FAM184A: variants seen among roughly 807,000 people sequenced by gnomAD.
The protein encoded by FAM184A is protein FAM184A.
Under a neutral mutation model 143.8 loss-of-function variants are expected in FAM184A, and 99 were observed. The ratio of observed to expected loss-of-function variants is 0.69; its 90% CI spans 0.58 to 0.81. The LOEUF (loss-of-function observed/expected upper bound fraction) is 0.81. Among genes scored for constraint, FAM184A ranks in the 40% least tolerant of loss-of-function variants. FAM184A has a pLI of 0.00. For synonymous variants in FAM184A, 427 were observed against 446.4 expected (o/e 0.96, Z 0.55); for missense variants, 1,217 against 1,310.5 (o/e 0.93, Z 1.10).
intron 4 of FAM184A, among the ~76,000 whole-genome samples, chr6:119,019,769 A>AG (rs1316314192): frequency 6.6e-6 from 1 of 152,238 alleles, no homozygotes; most frequent in African/African-American, 2.4e-5. Flanking sequence ...TATATTATAT[A>AG]GATTGTTACC....
chr6:118,991,249 GC>G (rs1410241265), intron 9 of FAM184A, among the ~76,000 whole-genome samples: 1 of 150,922 alleles, frequency 6.6e-6, no homozygotes, highest in Non-Finnish European at 1.5e-5. Flanking sequence ...TGCAACCTCT[GC>G]CCCTTGGATT....
At chr6:119,021,582 AG>A (rs1193196943) in intron 3 of FAM184A, among the ~76,000 whole-genome samples, 1 of 152,194 alleles carries the variant, frequency 6.6e-6, no homozygotes, top group Non-Finnish European at 1.5e-5. Context: ...GGGAAGGCTA[AG>A]GCAAGAGGAT....
intron 4 of FAM184A, among the ~76,000 whole-genome samples, chr6:119,017,361 G>A (rs563496775): frequency 5.3e-5 from 8 of 152,222 alleles, no homozygotes; most frequent in East Asian, 3.9e-4. Flanking sequence ...AGCTGGGCGC[G>A]GTGGCGGGTG....
intron 1 of FAM184A, among the ~76,000 whole-genome samples, chr6:119,063,810 T>C (rs1352731342): frequency 6.6e-6 from 1 of 152,212 alleles, no homozygotes; most frequent in African/African-American, 2.4e-5. Context: ...CTTTATCAGT[T>C]GACTTGCTTT....
chr6:119,117,892 G>T (rs1789103021), intron 1 of FAM184A, among the ~76,000 whole-genome samples: 1 of 152,154 alleles, frequency 6.6e-6, no homozygotes, highest in African/African-American at 2.4e-5. Flanking sequence ...AGGGGTGGGG[G>T]TATCCCAGAA....
chr6:119,109,461 A>C (rs1242307087), intron 1 of FAM184A, among the ~76,000 whole-genome samples: 1 of 152,064 alleles, frequency 6.6e-6, no homozygotes, highest in Non-Finnish European at 1.5e-5. Context: ...TTTTTCTGTG[A>C]ATCCTTCTCT....
chr6:119,109,077 C>G (rs1222625377), intron 1 of FAM184A, among the ~76,000 whole-genome samples: 1 of 145,656 alleles, frequency 6.9e-6, no homozygotes, highest in Non-Finnish European at 1.5e-5. Flanking sequence ...TAAATTATCC[C>G]TATTCCTATC....
intron 1 of FAM184A, among the ~76,000 whole-genome samples, chr6:119,129,723 T>TGG (rs1196934194): frequency 1.0e-5 from 1 of 97,794 alleles, no homozygotes; most frequent in Non-Finnish European, 1.9e-5. Context: ...TGTGTGTGTG[T>TGG]GGGGGGTTGT....
At chr6:119,141,087 C>CT (rs1048003430) in intron 1 of FAM184A, among the ~76,000 whole-genome samples, 76 of 152,320 alleles carry the variant, frequency 5.0e-4, no homozygotes, top group African/African-American at 1.7e-3. Flanking sequence ...ATCTCAAGTC[C>CT]TTTTCTAAGA....
intron 6 of FAM184A, chr6:119,011,047 T>C (rs1359310575): frequency 1.6e-5 from 5 of 308,796 alleles, no homozygotes; most frequent in Non-Finnish European, 2.9e-5. Context: ...GAGAACTCTC[T>C]CTTGTTCTTT....
chr6:119,098,588 A>T (rs1326469108), intron 1 of FAM184A, among the ~76,000 whole-genome samples: 1 of 152,214 alleles, frequency 6.6e-6, no homozygotes, highest in African/African-American at 2.4e-5. Flanking sequence ...TCATAGGTAG[A>T]TTCAAAATTT....
chr6:119,018,909 T>C (rs1303931984), intron 4 of FAM184A, among the ~76,000 whole-genome samples: 1 of 151,964 alleles, frequency 6.6e-6, no homozygotes, highest in Non-Finnish European at 1.5e-5. Context: ...GTGGTGCTAT[T>C]GGTTGAAATA....
chr6:119,071,835 A>C (rs1008564716), intron 1 of FAM184A, among the ~76,000 whole-genome samples: 1 of 150,396 alleles, frequency 6.6e-6, no homozygotes, highest in South Asian at 2.1e-4. Flanking sequence ...CAGCCTGGTC[A>C]CAGTCTAAAG....
At chr6:119,058,175 CTTTTTTTT>C (rs5879483) in intron 1 of FAM184A, among the ~76,000 whole-genome samples, 9 of 89,714 alleles carry the variant, frequency 1.0e-4, no homozygotes, top group Admixed American at 5.9e-4. Context: ...CTCCTTCTCT[CTTTTTTTT>C]TTTTTTTTTT....
intron 1 of FAM184A, among the ~76,000 whole-genome samples, chr6:119,133,863 T>C (rs558682488): frequency 7.2e-5 from 11 of 151,772 alleles, no homozygotes; most frequent in Non-Finnish European, 1.6e-4. Flanking sequence ...CATTATGTTG[T>C]CCAGGCTTGT....
chr6:119,009,362 C>T (rs1785023149), intron 6 of FAM184A, among the ~76,000 whole-genome samples: 1 of 152,076 alleles, frequency 6.6e-6, no homozygotes, highest in Non-Finnish European at 1.5e-5. Context: ...GTGGGTCTTT[C>T]CTGCGCTGTT....
chr6:119,145,001 T>C (rs1224923736), intron 1 of FAM184A, among the ~76,000 whole-genome samples: 2 of 152,242 alleles, frequency 1.3e-5, no homozygotes, highest in African/African-American at 4.8e-5. Flanking sequence ...TTGGTCCTTC[T>C]CTGTCTGGCT....
chr6:119,143,650 A>T (rs1772319944), intron 1 of FAM184A, among the ~76,000 whole-genome samples: 1 of 152,224 alleles, frequency 6.6e-6, no homozygotes, highest in African/African-American at 2.4e-5. Flanking sequence ...ACGTTCTGAC[A>T]CATGCTACAG....
intron 3 of FAM184A, 21 bp from the exon 4 acceptor site, chr6:119,020,180 C>A (rs1302332198): frequency 6.7e-7 from 1 of 1,496,190 alleles, no homozygotes; most frequent in East Asian, 2.4e-5. Context: ...AAAAGAAAAT[C>A]CCTTCAATTT....
Sources: allele counts gnomAD v4.1 joint callset (sites outside exome capture counted in the v4.1 genomes callset), GRCh38; gene constraint gnomAD v4.1.1; transcripts MANE v1.5; gene names NCBI Gene and HGNC (gene_info 2026-07-23, HGNC 2026-07-21).